SAMD3: variants seen among roughly 807,000 people sequenced by gnomAD.
SAMD3 encodes sterile alpha motif domain-containing protein 3.
In SAMD3, 63 loss-of-function variants were observed where a neutral mutation model predicts 58.5. The ratio of observed to expected loss-of-function variants is 1.08; its 90% CI spans 0.88 to 1.33. The LOEUF (loss-of-function observed/expected upper bound fraction) is 1.33. SAMD3 is among the 40% of genes most tolerant of loss of function. The probability of loss-of-function intolerance (pLI) is 0.00; values close to 1 mark genes in which losing one functional copy is unlikely to be tolerated. For missense variants in SAMD3, 604 were observed against 608.4 expected (o/e 0.99, Z 0.08); for synonymous variants, 220 against 210.3 (o/e 1.05, Z -0.40).
chr6:130,256,731 T>C (rs1191299884), intron 2 of SAMD3, among the ~76,000 whole-genome samples: 1 of 152,194 alleles, frequency 6.6e-6, no homozygotes, highest in African/African-American at 2.4e-5. Context: ...AGAATTGACA[T>C]AAAAAATAAA....
intron 1 of SAMD3, among the ~76,000 whole-genome samples, chr6:130,353,458 A>G (rs1005261428): frequency 1.3e-5 from 2 of 152,176 alleles, no homozygotes; most frequent in African/African-American, 2.4e-5. Context: ...GTTTCCAAAA[A>G]TAAAATTCTA....
At chr6:130,315,843 G>A (rs1320150524) in intron 1 of SAMD3, among the ~76,000 whole-genome samples, 1 of 151,970 alleles carries the variant, frequency 6.6e-6, no homozygotes, top group African/African-American at 2.4e-5. Context: ...ATTCTATAAC[G>A]ATGAGCTCCC....
At chr6:130,178,773 A>T (rs34568447) in intron 7 of SAMD3, among the ~76,000 whole-genome samples, 14,507 of 152,230 alleles carry the variant, frequency 0.095, 1,103 homozygotes, top group African/African-American at 0.21. Flanking sequence ...AGCTACTCAT[A>T]GAAGATATTT....
intron 9 of SAMD3, among the ~76,000 whole-genome samples, chr6:130,148,694 G>A (rs886163452): frequency 3.3e-5 from 5 of 152,100 alleles, no homozygotes; most frequent in Non-Finnish European, 7.4e-5. Flanking sequence ...GCAACATGGC[G>A]AAATCTGTCT....
At chr6:130,233,751 G>A (rs1278948018) in intron 2 of SAMD3, among the ~76,000 whole-genome samples, 2 of 152,192 alleles carry the variant, frequency 1.3e-5, no homozygotes, top group Non-Finnish European at 2.9e-5. Flanking sequence ...TGAATCTAGT[G>A]TTCAAGGTGT....
At chr6:130,277,527 T>C (rs994217485) in intron 2 of SAMD3, among the ~76,000 whole-genome samples, 1 of 152,232 alleles carries the variant, frequency 6.6e-6, no homozygotes, top group African/African-American at 2.4e-5. Flanking sequence ...TAAACATTCA[T>C]AAATGGTGTA....
Position 130,153,647 on chromosome 6 carries a change from C to CATATATATATATATATATAT in SAMD3, c.1023+1177_1023+1178insATATATATATATATATATAT, listed in dbSNP as rs1196709383. On this transcript the variant is annotated intron_variant, in intron 9 of 11. Transcript: ENST00000439090. Reference sequence around the variant, plus strand: ...TTTGATTGATTTACCCATTAAATTTCATATATATATATATATATTTATTTA... The same window carrying CATATATATATATATATATAT: ...TTTGATTGATTTACCCATTAAATTTCATATATATATATATATATATATATATATATATATATATTTATTTA... 1.5e-3 allele frequency among the ~76,000 whole-genome samples: 148 copies of CATATATATATATATATATAT among 96,640 alleles called. 3 individuals are homozygous for CATATATATATATATATATAT. Among genetic ancestry groups the CATATATATATATATATATAT allele is most frequent in the Admixed American group, 3.2e-3 (29 of 9,038 alleles). The allele number at this position is 96,640 out of a possible 152,430, so 63.4% of individuals were successfully genotyped here. A position where few individuals can be genotyped will look rare whatever the true frequency, so the allele number is the denominator to read the frequency against.
intron 2 of SAMD3, among the ~76,000 whole-genome samples, chr6:130,232,474 C>T (rs921690319): frequency 4.7e-4 from 71 of 152,264 alleles, no homozygotes; most frequent in African/African-American, 1.6e-3. Flanking sequence ...CTGTCAGGAT[C>T]CACTTCTTGA....
chr6:130,330,368 C>T (rs1353962060), intron 1 of SAMD3, among the ~76,000 whole-genome samples: 1 of 152,108 alleles, frequency 6.6e-6, no homozygotes, highest in East Asian at 1.9e-4. Context: ...TTAAAATAGC[C>T]TATATGAATT....
intron 2 of SAMD3, among the ~76,000 whole-genome samples, chr6:130,280,501 C>G (rs1326348943): frequency 5.9e-5 from 9 of 152,162 alleles, no homozygotes; most frequent in Admixed American, 5.9e-4. Context: ...GAAAATATCA[C>G]CTTTAGACAG....
At chr6:130,197,950 T>C (rs572106124) in intron 5 of SAMD3, among the ~76,000 whole-genome samples, 9 of 152,244 alleles carry the variant, frequency 5.9e-5, no homozygotes, top group African/African-American at 2.2e-4. Flanking sequence ...TGTTCCTGCT[T>C]TAACTGATGA....
At chr6:130,352,968 T>G (rs1451201660) in intron 1 of SAMD3, among the ~76,000 whole-genome samples, 1 of 152,230 alleles carries the variant, frequency 6.6e-6, no homozygotes, top group East Asian at 1.9e-4. Flanking sequence ...TCTTCATGTT[T>G]CTATCGGCAA....
chr6:130,362,169 T>C (rs997545728), intron 1 of SAMD3, among the ~76,000 whole-genome samples: 5 of 152,236 alleles, frequency 3.3e-5, no homozygotes, highest in African/African-American at 1.2e-4. Flanking sequence ...AGAGGACATA[T>C]GAACAGTGCC....
chr6:130,233,004 G>A (rs1474888738), intron 2 of SAMD3, among the ~76,000 whole-genome samples: 1 of 152,116 alleles, frequency 6.6e-6, no homozygotes, highest in African/African-American at 2.4e-5. Context: ...GCTTCTGATT[G>A]GCAGAGACAG....
intron 2 of SAMD3, among the ~76,000 whole-genome samples, chr6:130,296,580 G>A (rs933566509): frequency 1.3e-5 from 2 of 152,200 alleles, no homozygotes; most frequent in Non-Finnish European, 2.9e-5. Context: ...TGGAGAAAGT[G>A]TTTTTCATAC....
Position 130,214,340 on chromosome 6 carries a change from C to A in SAMD3, c.266G>T (p.Arg89Leu). Residue 89 changes from arginine (R) to leucine (L), a missense_variant, in exon 4 of 12, where the codon CGA (arginine) becomes CTA (leucine). Physicochemically the swap from Arg to Leu is moderately radical, Grantham distance 102. Transcript: ENST00000439090. The stretch of plus-strand genomic sequence containing the variant: ...GGCCATTTATGAACATACTCACTCT[C>A]GAGCTGCTTCTGTTTGCATGACCAG... Reference protein sequence around the residue: ...AALVMQTEAARDYRDEESSSP... With the variant: ...AALVMQTEAALDYRDEESSSP... 1 of 1,588,600 alleles carries A rather than the reference C, an allele frequency of 6.3e-7. No homozygotes were observed. Among genetic ancestry groups the A allele is most frequent in the Non-Finnish European group, 8.5e-7 (1 of 1,169,664 alleles).
intron 2 of SAMD3, among the ~76,000 whole-genome samples, chr6:130,272,422 T>C (rs1463438288): frequency 6.6e-6 from 1 of 152,176 alleles, no homozygotes; most frequent in Non-Finnish European, 1.5e-5. Flanking sequence ...TATTTATTAT[T>C]TTAAATTATT....
intron 1 of SAMD3, among the ~76,000 whole-genome samples, chr6:130,350,139 G>A (rs1777606171): frequency 1.3e-5 from 2 of 152,114 alleles, no homozygotes; most frequent in South Asian, 4.1e-4. Context: ...AAAACTGGAA[G>A]CATTCCCTTT....
intron 1 of SAMD3, among the ~76,000 whole-genome samples, chr6:130,320,802 G>A (rs899547451): frequency 1.3e-5 from 2 of 152,152 alleles, no homozygotes; most frequent in Non-Finnish European, 2.9e-5. Flanking sequence ...CTGATCTATA[G>A]TGATACACAG....
Sources: gnomAD v4.1 joint callset for allele counts (sites outside exome capture counted in the v4.1 genomes callset) on GRCh38, gnomAD v4.1.1 for gene constraint, MANE v1.5 for transcripts, NCBI Gene and HGNC (gene_info 2026-07-23, HGNC 2026-07-21) for gene names.